TNFSF4: variants seen among roughly 807,000 people sequenced by gnomAD.
TNFSF4 encodes TNF superfamily member 4.
TNFSF4 carries 4 observed loss-of-function variants against 7.3 expected under a neutral mutation model. The observed-to-expected ratio is 0.55, with a 90% confidence interval of 0.27 to 1.25. The LOEUF is 1.25. Ranked by LOEUF, TNFSF4 falls within the 50% of genes most tolerant of loss-of-function variation. The probability of loss-of-function intolerance (pLI) is 0.12; values close to 1 mark genes in which losing one functional copy is unlikely to be tolerated. For synonymous variants in TNFSF4, 76 were observed against 83.7 expected (o/e 0.91, Z 0.50); for missense variants, 181 against 208.8 (o/e 0.87, Z 0.82).
the TNFSF4 span, among the ~76,000 whole-genome samples, chr1:173,317,712 C>A: frequency 1.3e-5 from 2 of 152,084 alleles, no homozygotes; most frequent in Non-Finnish European, 2.9e-5. Context: ...ATAGGAAAAC[C>A]TAATTCTATT....
intron 1 of TNFSF4, among the ~76,000 whole-genome samples, chr1:173,195,954 C>T (rs1649682382): frequency 1.3e-5 from 2 of 152,188 alleles, no homozygotes; most frequent in African/African-American, 4.8e-5. Context: ...GCACCTTGGG[C>T]TTCATGCCAA....
chr1:173,444,321 A>G, the TNFSF4 span, among the ~76,000 whole-genome samples: 1 of 151,774 alleles, frequency 6.6e-6, no homozygotes, highest in Non-Finnish European at 1.5e-5. Context: ...CTGAACTAAA[A>G]CCAGTATTTA....
chr1:173,274,855 C>T, the TNFSF4 span, among the ~76,000 whole-genome samples: 1 of 152,022 alleles, frequency 6.6e-6, no homozygotes, highest in Non-Finnish European at 1.5e-5. Context: ...ATTTTTGATA[C>T]ATGTTTAATA....
At chr1:173,309,573 C>T in the TNFSF4 span, among the ~76,000 whole-genome samples, 1 of 151,676 alleles carries the variant, frequency 6.6e-6, no homozygotes, top group African/African-American at 2.4e-5. Context: ...TTATATATTG[C>T]TGAATTTTGC....
At chr1:173,430,649 C>T in the TNFSF4 span, among the ~76,000 whole-genome samples, 1 of 152,258 alleles carries the variant, frequency 6.6e-6, no homozygotes, top group Admixed American at 6.5e-5. Context: ...TAAATGGACA[C>T]ATTAGGGTGA....
the TNFSF4 span, among the ~76,000 whole-genome samples, chr1:173,388,900 A>T: frequency 1.3e-5 from 2 of 151,972 alleles, no homozygotes; most frequent in South Asian, 2.1e-4. Flanking sequence ...AAAGGAGCCC[A>T]GAAACTAAAA....
the TNFSF4 span, chr1:173,440,419 T>C: frequency 6.6e-6 from 1 of 152,080 alleles, no homozygotes; most frequent in Non-Finnish European, 1.5e-5. Context: ...GGAAGAATAA[T>C]ATTAAAATAA....
At chr1:173,282,183 G>T in the TNFSF4 span, among the ~76,000 whole-genome samples, 4 of 152,134 alleles carry the variant, frequency 2.6e-5, no homozygotes. Context: ...AAAATAGCTA[G>T]AAGAGAATAT....
the TNFSF4 span, among the ~76,000 whole-genome samples, chr1:173,286,606 T>A: frequency 3.9e-5 from 6 of 152,248 alleles, no homozygotes; most frequent in African/African-American, 1.4e-4. Flanking sequence ...AAATGAACCA[T>A]AGACCTAAAC....
the TNFSF4 span, among the ~76,000 whole-genome samples, chr1:173,343,718 T>A: frequency 5.3e-5 from 8 of 152,148 alleles, no homozygotes; most frequent in Admixed American, 3.3e-4. Context: ...TGATAACATG[T>A]TTTACAGGTA....
At chr1:173,324,521 C>T in the TNFSF4 span, among the ~76,000 whole-genome samples, 222 of 152,224 alleles carry the variant, frequency 1.5e-3, no homozygotes, top group African/African-American at 4.6e-3. Flanking sequence ...AAATATTAAC[C>T]TTAAATGTAA....
chr1:173,293,060 T>C, the TNFSF4 span, among the ~76,000 whole-genome samples: 1 of 152,034 alleles, frequency 6.6e-6, no homozygotes, highest in Non-Finnish European at 1.5e-5. Context: ...AAAATGGCCA[T>C]ACTGCCCAAA....
chr1:173,288,674 G>A, the TNFSF4 span, among the ~76,000 whole-genome samples: 15 of 151,924 alleles, frequency 9.9e-5, no homozygotes, highest in Non-Finnish European at 1.9e-4. Flanking sequence ...ATAAAACTAA[G>A]TTCAAAATAA....
the TNFSF4 span, among the ~76,000 whole-genome samples, chr1:173,234,495 T>C: frequency 1.3e-5 from 2 of 152,166 alleles, no homozygotes; most frequent in Admixed American, 6.5e-5. Context: ...CACATGCACA[T>C]GTATGTTTAT....
chr1:173,192,230 T>A (rs188968991), intron 1 of TNFSF4, among the ~76,000 whole-genome samples: 26 of 152,352 alleles, frequency 1.7e-4, no homozygotes, highest in Non-Finnish European at 2.5e-4. Flanking sequence ...AGTCTCTGTA[T>A]TCCCATACAA....
chr1:173,204,887 TCTCA>T (rs1283279240), intron 1 of TNFSF4, among the ~76,000 whole-genome samples: 4 of 147,814 alleles, frequency 2.7e-5, no homozygotes, highest in Non-Finnish European at 5.9e-5. Flanking sequence ...TCTCTCTCTC[TCTCA>T]AACACACAGA....
At chr1:173,357,078 T>A in the TNFSF4 span, among the ~76,000 whole-genome samples, 8 of 152,186 alleles carry the variant, frequency 5.3e-5, no homozygotes, top group Non-Finnish European at 1.2e-4. Flanking sequence ...TTAGCCAAGT[T>A]AATAGGTTAG....
the TNFSF4 span, among the ~76,000 whole-genome samples, chr1:173,361,942 C>T: frequency 3.9e-5 from 6 of 152,188 alleles, no homozygotes; most frequent in African/African-American, 1.2e-4. Flanking sequence ...TATCTGGATA[C>T]AATCCTAGAA....
chr1:173,190,816 G>A (rs16845568), intron 1 of TNFSF4, among the ~76,000 whole-genome samples: 5 of 152,152 alleles, frequency 3.3e-5, no homozygotes, highest in East Asian at 1.9e-4. Flanking sequence ...AGGCCTCAGC[G>A]TGCAGTGACA....
Sources: allele counts gnomAD v4.1 joint callset (sites outside exome capture counted in the v4.1 genomes callset), GRCh38; gene constraint gnomAD v4.1.1; transcripts MANE v1.5; gene names NCBI Gene and HGNC (gene_info 2026-07-23, HGNC 2026-07-21).